The following CHI3L2 variants were observed in gnomAD, a reference collection of about 807,000 sequenced individuals.
The protein encoded by CHI3L2 is chitinase 3 like 2, also known as chitinase-3-like protein 2.
CHI3L2 carries 47 observed loss-of-function variants against 47.3 expected under a neutral mutation model. That is an observed-to-expected ratio of 0.99 (90% CI 0.79 to 1.27). CHI3L2 has a LOEUF of 1.27. Among genes scored for constraint, CHI3L2 ranks in the 50% most tolerant of loss-of-function variants. The pLI, the probability that CHI3L2 is intolerant of heterozygous loss-of-function variation, is 0.00. For synonymous variants in CHI3L2, 198 were observed against 169.9 expected, an observed-to-expected ratio of 1.17 and a Z score of -1.28; for missense variants, 497 against 462.1, an observed-to-expected ratio of 1.08 and a Z score of -0.69.
chr1:111,243,414 T>C lies in CHI3L2; in HGVS notation c.*200T>C, dbSNP rs1660119610. The C allele has an allele frequency of 5.6e-6, 2 of 359,308 alleles. No individual in the cohort carries two copies. Among genetic ancestry groups the C allele is most frequent in the Non-Finnish European group, 1.1e-5 (2 of 183,604 alleles). 22.3% of individuals were successfully genotyped at this position (359,308 alleles called of 1,614,324 possible). On this transcript the variant is annotated 3_prime_UTR_variant, in exon 11 of 11. Transcript: ENST00000369748. ...GTTGACTTGTTGCCCTGAAGTACAATAAAAAAAATTCATTTTGCTCCAGTA... is the reference window on the plus strand; with the variant it reads ...GTTGACTTGTTGCCCTGAAGTACAACAAAAAAAATTCATTTTGCTCCAGTA...
At position 111,228,942 on chromosome 1, in the gene CHI3L2, G is replaced by T. The variant is rs183166429; in HGVS notation, c.41-910G>T. Among the ~76,000 whole-genome samples the T allele has an allele frequency of 2.6e-5, 4 of 152,312 alleles. No homozygotes were observed. The East Asian group carries it at 7.7e-4, about 29-fold the overall frequency. ...CCTAGGGTAGATGTCCTATGGAGAAGAGACTGGGCATAATTTCAAACATAT... is the reference window on the plus strand; with the variant it reads ...CCTAGGGTAGATGTCCTATGGAGAATAGACTGGGCATAATTTCAAACATAT... On this transcript the variant is annotated intron_variant, in intron 1 of 10. Coordinates refer to ENST00000369748, the MANE Select transcript of CHI3L2 (RefSeq NM_004000.3).
At chr1:111,242,417 G>C in intron 10 of CHI3L2, 51 bp downstream of exon 10, 1 of 1,524,364 alleles carries the variant, frequency 6.6e-7, no homozygotes, top group Non-Finnish European at 8.8e-7. Context: ...GGCAGAACAG[G>C]GCACAGGAGA....
intron 4 of CHI3L2, among the ~76,000 whole-genome samples, chr1:111,233,562 G>T (rs928635574): frequency 3.9e-5 from 6 of 152,062 alleles, no homozygotes; most frequent in Non-Finnish European, 8.8e-5. Flanking sequence ...ATCCAGGAGG[G>T]AGGTGGGGGG....
intron 1 of CHI3L2, among the ~76,000 whole-genome samples, chr1:111,229,296 GA>G (rs1232403824): frequency 6.6e-6 from 1 of 152,136 alleles, no homozygotes; most frequent in Non-Finnish European, 1.5e-5. Context: ...TTGGATAAAT[GA>G]ATGAAAAAAT....
chr1:111,235,266 C>G (rs1659844922), intron 5 of CHI3L2, among the ~76,000 whole-genome samples: 1 of 152,202 alleles, frequency 6.6e-6, no homozygotes, highest in Admixed American at 6.5e-5. Context: ...CCCCCTTGCA[C>G]ATTTATTTTG....
At chr1:111,230,559 G>T (rs193042838) in intron 2 of CHI3L2, among the ~76,000 whole-genome samples, 183 bp from the exon 3 acceptor site, 1 of 152,074 alleles carries the variant, frequency 6.6e-6, no homozygotes, top group Admixed American at 6.6e-5. Context: ...CAGTCTCAGC[G>T]TATTTCTTAA....
intron 4 of CHI3L2, chr1:111,231,536 C>T: frequency 2.5e-6 from 1 of 393,548 alleles, no homozygotes; most frequent in Non-Finnish European, 4.5e-6. Flanking sequence ...AGAAAGTGGG[C>T]CATGAACAAT....
At chr1:111,230,210 A>G (rs1180919164) in intron 2 of CHI3L2, among the ~76,000 whole-genome samples, 2 of 152,016 alleles carry the variant, frequency 1.3e-5, no homozygotes, top group African/African-American at 4.8e-5. Flanking sequence ...TTAGTGCTCC[A>G]TGGGTGTTTC....
chr1:111,241,351 A>T lies in CHI3L2; in HGVS notation c.943A>T (p.Lys315Ter), dbSNP rs1274560899. The T allele has an allele frequency of 6.3e-7, 1 of 1,597,038 alleles. No individual in the cohort carries two copies. Among genetic ancestry groups the T allele is most frequent in the East Asian group, 2.2e-5 (1 of 44,848 alleles). Residue 315 changes from lysine (K) to a stop codon, truncating the protein, a stop_gained, in exon 9 of 11, where the codon AAG becomes TAG. Coordinates refer to ENST00000369748, the MANE Select transcript of CHI3L2 (RefSeq NM_004000.3). LOFTEE classifies it high-confidence loss of function. ...YEICQFLKGA[K>*]ITRLQDQQVP... ...GATCTGCCAGTTCCTGAAAGGAGCC[A>T]AGATCACGCGGCTCCAGGATCAGCA...
chr1:111,237,943 C>A (rs1659931554), intron 7 of CHI3L2, among the ~76,000 whole-genome samples: 1 of 152,190 alleles, frequency 6.6e-6, no homozygotes, highest in South Asian at 2.1e-4. Context: ...AGCCTGCTAC[C>A]TGGAGGCTTT....
rs539250243 is a variant in CHI3L2 at position 111,235,840 on chromosome 1, G to C, written c.605+77G>C. ...CAAATGATGCATCAGCATGTTTGAC[G>C]GATGAGGGGAGGAGGAAGAGAGGGA... On this transcript the variant is annotated intron_variant, in intron 6 of 10. Coordinates refer to ENST00000369748, the MANE Select transcript of CHI3L2 (RefSeq NM_004000.3). 1.1e-5 allele frequency: 17 copies of C among 1,578,880 alleles called. 1 individual carries two copies. The South Asian group carries it at 1.9e-4, about 17-fold the overall frequency.
At position 111,238,847 on chromosome 1, in the gene CHI3L2, C is replaced by T; in HGVS notation, c.833C>T (p.Ala278Val). The T allele has an allele frequency of 6.2e-7, 1 of 1,613,868 alleles. No homozygotes were observed. The highest frequency in any genetic ancestry group is 8.5e-7 in the Non-Finnish European group (1 of 1,179,858). The change falls in exon 8 of 11, where the codon GCA becomes GTA. Residue 278 changes from alanine (A) to valine (V), a missense_variant. By Grantham distance (64) the Ala-to-Val change is moderately conservative. Transcript: ENST00000369748. Reference protein sequence around the residue: ...TYGHSFTLASAETTVGAPASG... With the variant: ...TYGHSFTLASVETTVGAPASG... ...GGGCACTCCTTCACACTGGCCTCTG[C>T]AGAAACCACCGTGGGGGCCCCTGCC...
At chr1:111,229,693 A>AAAAAAAG (rs1659648661) in intron 1 of CHI3L2, 159 bp from the exon 2 acceptor site, 1 of 1,066,596 alleles carries the variant, frequency 9.4e-7, no homozygotes. Context: ...AAAAAAAAAA[A>AAAAAAAG]AAAAAAAAAA....
At chr1:111,229,984 C>A in intron 2 of CHI3L2, 103 bp downstream of exon 2, 2 of 1,294,342 alleles carry the variant, frequency 1.5e-6, no homozygotes, top group African/African-American at 1.5e-5. Flanking sequence ...CTCTTGATTA[C>A]TCTCTCCGGT....
intron 7 of CHI3L2, among the ~76,000 whole-genome samples, chr1:111,236,654 T>TAAAAAAA: frequency 6.7e-6 from 1 of 149,798 alleles, no homozygotes; most frequent in Non-Finnish European, 1.5e-5. Context: ...AAATGAAAAG[T>TAAAAAAA]AAAAAAAAAA....
intron 3 of CHI3L2, 35 bp downstream of exon 3, chr1:111,230,978 A>G (rs2274232): frequency 0.1 from 154,877 of 1,554,704 alleles, 10,175 homozygotes; most frequent in East Asian, 0.36. Context: ...TCCTGCATGG[A>G]TTTTAGAGGA....
chr1:111,232,011 AG>A (rs1227883847), intron 4 of CHI3L2, among the ~76,000 whole-genome samples: 6 of 152,258 alleles, frequency 3.9e-5, no homozygotes, highest in African/African-American at 1.4e-4. Flanking sequence ...CATCTTAAAA[AG>A]TCCAGAGATC....
Position 111,236,144 on chromosome 1 carries a change from C to T in CHI3L2, c.726C>T (p.Tyr242=). Residue 242 remains tyrosine, a synonymous_variant, in exon 7 of 11, where the codon TAC becomes TAT. Coordinates refer to ENST00000369748, the MANE Select transcript of CHI3L2 (RefSeq NM_004000.3). ...GGCAGGACAGAGGGCCAAGCTCCTA[C>T]TACAATGTGGTGAGTAGGCCAGGGG... ...KGWQDRGPSS[Y]YNVEYAVGYW... 6.2e-7 allele frequency: 1 copy of T among 1,614,154 alleles called. No homozygotes were observed. Among genetic ancestry groups the T allele is most frequent in the Non-Finnish European group, 8.5e-7 (1 of 1,180,014 alleles).
In CHI3L2 at chr1:111,232,992, A is replaced by T. The variant is rs185832618; in HGVS notation, c.329+1698A>T. Reference sequence around the variant, plus strand: ...CTCAATTTAATATTGAGTAAAACAAAATTAATTCAAGGCTCTAAGAAAGCC... The same window carrying T: ...CTCAATTTAATATTGAGTAAAACAATATTAATTCAAGGCTCTAAGAAAGCC... On this transcript the variant is annotated intron_variant, in intron 4 of 10. Transcript: ENST00000369748. Among the ~76,000 whole-genome samples the T allele has an allele frequency of 7.6e-3, 1,162 of 152,324 alleles. 6 individuals are homozygous for T. The highest frequency in any genetic ancestry group is 0.012 in the Non-Finnish European group (827 of 68,022).
Sources: gnomAD v4.1 joint callset for allele counts (sites outside exome capture counted in the v4.1 genomes callset) on GRCh38, gnomAD v4.1.1 for gene constraint, MANE v1.5 for transcripts, NCBI Gene and HGNC (gene_info 2026-07-23, HGNC 2026-07-21) for gene names.